TFEC: variants seen among roughly 807,000 people sequenced by gnomAD.
The protein encoded by TFEC is class E basic helix-loop-helix protein 34.
TFEC carries 31 observed loss-of-function variants against 41.6 expected under a neutral mutation model. The observed-to-expected ratio is 0.74, with a 90% CI of 0.56 to 1.01. The LOEUF is 1.01. Among genes scored for constraint, TFEC ranks in the 50% least tolerant of loss-of-function variants. The pLI, the probability that TFEC is intolerant of heterozygous loss-of-function variation, is 0.00. For missense variants in TFEC, 402 were observed against 404.1 expected, an observed-to-expected ratio of 0.99 and a Z score of 0.04; for synonymous variants, 143 against 140.6, an observed-to-expected ratio of 1.02 and a Z score of -0.12.
At chr7:116,091,268 G>C (rs928779163) in intron 3 of TFEC, among the ~76,000 whole-genome samples, 3 of 151,998 alleles carry the variant, frequency 2.0e-5, no homozygotes, top group Admixed American at 6.6e-5. Flanking sequence ...TTGAATAATA[G>C]AGCATTAGCA....
intron 1 of TFEC, among the ~76,000 whole-genome samples, chr7:116,022,818 A>G (rs1325618239): frequency 2.0e-5 from 3 of 152,204 alleles, no homozygotes; most frequent in African/African-American, 7.2e-5. Flanking sequence ...TAAAGTTGCC[A>G]GGTTACCATT....
At chr7:115,953,019 A>T (rs1792028651) in intron 5 of TFEC, among the ~76,000 whole-genome samples, 1 of 152,080 alleles carries the variant, frequency 6.6e-6, no homozygotes, top group Non-Finnish European at 1.5e-5. Context: ...TGAAGACAGA[A>T]CATGACACCG....
chr7:116,013,944 A>G (rs17138238), intron 1 of TFEC, among the ~76,000 whole-genome samples: 15,432 of 152,138 alleles, frequency 0.1, 1,142 homozygotes, highest in East Asian at 0.38. Flanking sequence ...CAATGTTACA[A>G]TTGAAATCTA....
At chr7:116,029,525 T>C (rs1017396326) in intron 1 of TFEC, among the ~76,000 whole-genome samples, 2 of 152,152 alleles carry the variant, frequency 1.3e-5, no homozygotes, top group Non-Finnish European at 2.9e-5. Context: ...AAATGAAGTT[T>C]CTTATAAACT....
chr7:116,124,215 T>A (rs1031088453), intron 1 of TFEC, among the ~76,000 whole-genome samples: 1 of 152,086 alleles, frequency 6.6e-6, no homozygotes, highest in Admixed American at 6.6e-5. Flanking sequence ...AAGTTTTTAA[T>A]GGAATATAGT....
At chr7:115,943,145 TCAATGGACATCG>T (rs557319565) in intron 6 of TFEC, among the ~76,000 whole-genome samples, 235 of 152,150 alleles carry the variant, frequency 1.5e-3, no homozygotes, top group African/African-American at 5.4e-3. Flanking sequence ...CAAAACATTG[TCAATGGACATCG>T]CAAGTTTGAA....
intron 1 of TFEC, among the ~76,000 whole-genome samples, chr7:116,141,244 T>C (rs1304440249): frequency 6.6e-6 from 1 of 152,220 alleles, no homozygotes; most frequent in Admixed American, 6.5e-5. Context: ...GCGTGAGCAA[T>C]TTTAAATATC....
At chr7:116,073,343 G>A (rs1345150083) in intron 3 of TFEC, among the ~76,000 whole-genome samples, 2 of 151,856 alleles carry the variant, frequency 1.3e-5, no homozygotes, top group African/African-American at 4.8e-5. Context: ...AATAATTGAA[G>A]AGACATCCCA....
rs1436542377 is a variant in TFEC, at chr7:116,088,227, C to T, written c.198+22481G>A. Among the ~76,000 whole-genome samples, 6 of 152,090 alleles carry T rather than the reference C, an allele frequency of 3.9e-5. No homozygotes were observed. In the East Asian group the frequency reaches 1.2e-3, roughly 29 times the overall value. ...TCTCAAAGAGTGGATTGGACAACCA[C>T]CCATCCCCACTCCTCGTTACTATAG... is the stretch of plus-strand genomic sequence containing the variant. On this transcript the variant is annotated intron_variant, in intron 3 of 8. Coordinates refer to the TFEC transcript ENST00000484212.
At chr7:116,079,031 A>G (rs749020942) in intron 3 of TFEC, among the ~76,000 whole-genome samples, 1 of 152,130 alleles carries the variant, frequency 6.6e-6, no homozygotes, top group Non-Finnish European at 1.5e-5. Context: ...TAACATATCC[A>G]AGTCAATAAA....
At chr7:116,030,037 G>A (rs1474770973) in intron 1 of TFEC, among the ~76,000 whole-genome samples, 1 of 152,176 alleles carries the variant, frequency 6.6e-6, no homozygotes, top group Non-Finnish European at 1.5e-5. Context: ...TTGCACTCCA[G>A]CCTGGGTGAC....
At chr7:116,075,774 G>C (rs184519720) in intron 3 of TFEC, among the ~76,000 whole-genome samples, 2 of 152,052 alleles carry the variant, frequency 1.3e-5, no homozygotes, top group Non-Finnish European at 1.5e-5. Context: ...ACCCCCATCT[G>C]GTGGTCTTTC....
intron 3 of TFEC, among the ~76,000 whole-genome samples, chr7:116,068,744 C>T (rs1296909190): frequency 6.6e-6 from 1 of 151,434 alleles, no homozygotes; most frequent in Non-Finnish European, 1.5e-5. Flanking sequence ...AAGTACATCC[C>T]AAAGCCAGAA....
intron 1 of TFEC, among the ~76,000 whole-genome samples, chr7:115,985,732 A>G (rs1793823934): frequency 6.6e-6 from 1 of 152,146 alleles, no homozygotes; most frequent in South Asian, 2.1e-4. Flanking sequence ...AAAGATTAAG[A>G]TTGGTAATAA....
At chr7:116,122,377 G>A (rs982080873) in intron 1 of TFEC, among the ~76,000 whole-genome samples, 2 of 152,038 alleles carry the variant, frequency 1.3e-5, no homozygotes, top group Non-Finnish European at 2.9e-5. Context: ...TGGTGGTTAG[G>A]TTTCTATGTA....
rs765651465 is a variant in TFEC at position 116,110,692 on chromosome 7, G to A, written c.198+16C>T. 1.1e-5 allele frequency: 15 copies of A among 1,403,120 alleles called. No homozygotes were observed. The East Asian group carries it at 3.7e-4, about 34-fold the overall frequency. The allele number at this position is 1,403,120 out of a possible 1,614,324, so 86.9% of individuals were successfully genotyped here. On this transcript the variant is annotated intron_variant, in intron 3 of 8. Coordinates refer to the TFEC transcript ENST00000484212. ...TTACTTAGAAATTACGGCTGTATAT[G>A]TATACAGATACATACCCTGGTAAAG... is the stretch of plus-strand genomic sequence containing the variant.
intron 3 of TFEC, among the ~76,000 whole-genome samples, chr7:115,965,717 G>C (rs1792812939): frequency 6.6e-6 from 1 of 151,432 alleles, no homozygotes. Context: ...AATAATATCT[G>C]GGTCCAAAAT....
intron 1 of TFEC, among the ~76,000 whole-genome samples, chr7:116,149,358 G>A (rs1798713900): frequency 6.6e-6 from 1 of 152,066 alleles, no homozygotes; most frequent in African/African-American, 2.4e-5. Context: ...AAATTTGAAA[G>A]CCCAAGTGAA....
intron 1 of TFEC, among the ~76,000 whole-genome samples, chr7:116,135,170 T>G (rs1399838682): frequency 1.3e-5 from 2 of 152,080 alleles, no homozygotes; most frequent in South Asian, 2.1e-4. Context: ...CCTGGAGCAA[T>G]GAAAACATTA....
Sources: gnomAD v4.1 joint callset for allele counts (sites outside exome capture counted in the v4.1 genomes callset) on GRCh38, gnomAD v4.1.1 for gene constraint, MANE v1.5 for transcripts, NCBI Gene and HGNC (gene_info 2026-07-23, HGNC 2026-07-21) for gene names.